Variants in RBMS3 observed in about 807,000 individuals in gnomAD.
The protein encoded by RBMS3 is RNA binding motif single stranded interacting protein 3, also known as RNA-binding motif, single-stranded-interacting protein 3.
In RBMS3, 27 loss-of-function variants were observed where a neutral mutation model predicts 66.8. That is an observed-to-expected ratio of 0.40 (90% CI 0.30 to 0.56). The LOEUF is 0.56. RBMS3 is among the 20% of genes least tolerant of loss of function. The pLI, the probability that RBMS3 is intolerant of heterozygous loss-of-function variation, is 0.40. For synonymous variants in RBMS3, 188 were observed against 183.0 expected (o/e 1.03, Z -0.22); for missense variants, 513 against 549.5 (o/e 0.93, Z 0.66).
chr3:29,446,608 T>G (rs2041840965), intron 2 of RBMS3, among the ~76,000 whole-genome samples: 1 of 152,096 alleles, frequency 6.6e-6, no homozygotes, highest in African/African-American at 2.4e-5. Flanking sequence ...TAAAACAAAT[T>G]TAAAAACACA....
intron 6 of RBMS3, chr3:29,766,585 C>A (rs2149388269): frequency 6.6e-6 from 1 of 152,006 alleles, no homozygotes; most frequent in Middle Eastern, 3.4e-3. Flanking sequence ...CGCTTTATTT[C>A]TCTGGGCTCC....
intron 4 of RBMS3, among the ~76,000 whole-genome samples, chr3:29,712,446 C>T (rs962391739): frequency 3.9e-5 from 6 of 151,950 alleles, no homozygotes; most frequent in African/African-American, 1.5e-4. Flanking sequence ...CCAAGTAGCT[C>T]GGGCTACGAA....
intron 5 of RBMS3, among the ~76,000 whole-genome samples, chr3:29,756,118 G>A (rs2055401917): frequency 1.3e-5 from 2 of 152,158 alleles, no homozygotes; most frequent in Non-Finnish European, 2.9e-5. Context: ...CATGGTTGCT[G>A]TGATGTCTTT....
At chr3:29,982,728 T>C (rs1698079002) in intron 12 of RBMS3, among the ~76,000 whole-genome samples, 1 of 152,224 alleles carries the variant, frequency 6.6e-6, no homozygotes, top group Admixed American at 6.5e-5. Context: ...CAGTTTTGAG[T>C]GAGTTTCTTC....
At chr3:29,778,329 T>C (rs980473181) in intron 6 of RBMS3, among the ~76,000 whole-genome samples, 4 of 151,850 alleles carry the variant, frequency 2.6e-5, no homozygotes, top group Admixed American at 6.6e-5. Context: ...TCTCTGTATA[T>C]GATTATTTCA....
chr3:29,852,431 T>C (rs930760492), intron 6 of RBMS3, among the ~76,000 whole-genome samples: 2 of 152,178 alleles, frequency 1.3e-5, no homozygotes, highest in Non-Finnish European at 2.9e-5. Context: ...AGGTCTAATA[T>C]TGAGCATCTT....
chr3:29,904,948 G>C (rs2060340340), intron 10 of RBMS3, among the ~76,000 whole-genome samples: 1 of 151,968 alleles, frequency 6.6e-6, no homozygotes, highest in Non-Finnish European at 1.5e-5. Context: ...TAGTGTCATA[G>C]ATAATTTAAA....
At chr3:29,868,569 G>C (rs1381699616) in intron 6 of RBMS3, among the ~76,000 whole-genome samples, 3 of 152,116 alleles carry the variant, frequency 2.0e-5, no homozygotes, top group Non-Finnish European at 4.4e-5. Flanking sequence ...ATTACTGGAA[G>C]GGTCGGTGCT....
Position 29,470,554 on chromosome 3 carries a change from A to AT in RBMS3, c.249-17878dup, listed in dbSNP as rs569004342. On this transcript the variant is annotated intron_variant, in intron 2 of 14. Transcript: ENST00000383767. Reference sequence around the variant, plus strand: ...ACACCACAGATTTCCATGCTTTCTGATTTTTTTTTCTAGAAACATGTAATT... The same window carrying AT: ...ACACCACAGATTTCCATGCTTTCTGATTTTTTTTTTCTAGAAACATGTAATT... Among the ~76,000 whole-genome samples, 365 of 151,496 alleles carry AT rather than the reference A, an allele frequency of 2.4e-3. 1 individual carries two copies. The highest frequency in any genetic ancestry group is 3.8e-3 in the Non-Finnish European group (260 of 67,694).
chr3:29,839,248 T>C (rs2058605348), intron 6 of RBMS3, among the ~76,000 whole-genome samples: 1 of 152,208 alleles, frequency 6.6e-6, no homozygotes, highest in Non-Finnish European at 1.5e-5. Flanking sequence ...GAGAGGTTTC[T>C]GTCACTTCCC....
chr3:29,454,025 A>G (rs1258619666), intron 2 of RBMS3, among the ~76,000 whole-genome samples: 4 of 152,200 alleles, frequency 2.6e-5, no homozygotes, highest in African/African-American at 7.2e-5. Flanking sequence ...AGTCTTAAGT[A>G]AATTTTCTCT....
chr3:29,962,053 T>C (rs1696497375), intron 12 of RBMS3, among the ~76,000 whole-genome samples: 2 of 145,982 alleles, frequency 1.4e-5, no homozygotes, highest in African/African-American at 5.0e-5. Flanking sequence ...TATATATGTG[T>C]ATATATAATA....
At chr3:29,486,694 C>T (rs1256905765) in intron 2 of RBMS3, among the ~76,000 whole-genome samples, 1 of 152,076 alleles carries the variant, frequency 6.6e-6, no homozygotes, top group Non-Finnish European at 1.5e-5. Flanking sequence ...AATATTGATA[C>T]AGTAGGACAA....
rs142609838 is a variant in RBMS3, at chr3:29,745,798, A to G, written c.557+5921A>G. ...CTGATTCTCATGGAGCTTTGTTTGA[A>G]TGACTTCTAACATATGGGCAGCCCT... On this transcript the variant is annotated intron_variant, in intron 5 of 14. Transcript: ENST00000383767. Among the ~76,000 whole-genome samples, 506 of 152,090 alleles carry G rather than the reference A, an allele frequency of 3.3e-3. 1 individual carries two copies. The highest frequency in any genetic ancestry group is 5.4e-3 in the Non-Finnish European group (366 of 67,996).
chr3:29,517,612 C>T (rs2044695482), intron 3 of RBMS3, among the ~76,000 whole-genome samples: 3 of 152,068 alleles, frequency 2.0e-5, no homozygotes, highest in African/African-American at 4.8e-5. Flanking sequence ...CGTGAGCCAC[C>T]GCGCCCGGCC....
chr3:29,710,044 G>A lies in RBMS3; in HGVS notation c.400-29676G>A, dbSNP rs553837877. Among the ~76,000 whole-genome samples, 3 of 152,316 alleles carry A rather than the reference G, an allele frequency of 2.0e-5. No homozygotes were observed. In the South Asian group the frequency reaches 6.2e-4, roughly 32 times the overall value. On this transcript the variant is annotated intron_variant, in intron 4 of 14. Transcript: ENST00000383767. ...TTGTGAAATGGAAATTAATCAAATG[G>A]AAGGAGATTATTCATGTGAGCAATT...
intron 4 of RBMS3, chr3:29,615,097 TCTTGAA>T (rs1420395217): frequency 3.9e-5 from 6 of 152,428 alleles, no homozygotes; most frequent in Admixed American, 3.9e-4. Flanking sequence ...TAATAGCAGA[TCTTGAA>T]CTTGAACTGA....
Position 29,384,435 on chromosome 3 carries a change from T to TAATAATAATAATAAGAAG in RBMS3, c.76-50306_76-50305insTAATAATAATAAGAAGAA, listed in dbSNP as rs776357215. The stretch of plus-strand genomic sequence containing the variant: ...TATACACCAATAATAATAATAATAA[T>TAATAATAATAATAAGAAG]AAGAAGAAGAAGAAGAAGAAGAAGA... On this transcript the variant is annotated intron_variant, in intron 1 of 14. Coordinates refer to ENST00000383767, the MANE Select transcript of RBMS3 (RefSeq NM_001003793.3). 4.2e-3 allele frequency among the ~76,000 whole-genome samples: 590 copies of TAATAATAATAATAAGAAG among 141,090 alleles called. 1 individual carries two copies. Among genetic ancestry groups the TAATAATAATAATAAGAAG allele is most frequent in the South Asian group, 7.5e-3 (31 of 4,142 alleles). 92.6% of individuals were successfully genotyped at this position (141,090 alleles called of 152,430 possible). A position where few individuals can be genotyped will look rare whatever the true frequency, so the allele number is the denominator to read the frequency against.
intron 4 of RBMS3, among the ~76,000 whole-genome samples, chr3:29,656,904 G>C (rs540753495): frequency 1.3e-5 from 2 of 152,278 alleles, no homozygotes; most frequent in Admixed American, 6.5e-5. Flanking sequence ...TTTCTAGCTA[G>C]TGGGTGACAT....
Sources: allele counts gnomAD v4.1 joint callset (sites outside exome capture counted in the v4.1 genomes callset), GRCh38; gene constraint gnomAD v4.1.1; transcripts MANE v1.5; gene names NCBI Gene and HGNC (gene_info 2026-07-23, HGNC 2026-07-21).